TRIB1: variants seen among roughly 807,000 people sequenced by gnomAD.
TRIB1 encodes the protein tribbles pseudokinase 1.
A neutral mutation model predicts 27.8 loss-of-function variants in TRIB1; 12 were observed. The observed-to-expected ratio is 0.43, with a 90% CI of 0.28 to 0.70. TRIB1 has a LOEUF of 0.70. Ranked by LOEUF, TRIB1 falls within the 30% of genes least tolerant of loss-of-function variation. The pLI, the probability that TRIB1 is intolerant of heterozygous loss-of-function variation, is 0.18. For missense variants in TRIB1, 475 were observed against 515.8 expected, an observed-to-expected ratio of 0.92 and a Z score of 0.77; for synonymous variants, 230 against 224.9, an observed-to-expected ratio of 1.02 and a Z score of -0.20.
intron 2 of TRIB1, among the ~76,000 whole-genome samples, chr8:125,435,216 C>G (rs1256199320): frequency 6.6e-6 from 1 of 152,054 alleles, no homozygotes; most frequent in Admixed American, 6.6e-5. Flanking sequence ...GAGACCCCCC[C>G]TGTAGAATAC....
In TRIB1 at chr8:125,436,599, A is replaced by G. The variant is rs901051681; in HGVS notation, c.*128A>G. ...CAGGATGAAAGCTGCTGAACTCGGC[A>G]TGGCGCCTCCTCTTCTCTGTTGGGA... is the stretch of plus-strand genomic sequence containing the variant. On this transcript the variant is annotated 3_prime_UTR_variant, in exon 3 of 3. Coordinates refer to ENST00000311922, the MANE Select transcript of TRIB1 (RefSeq NM_025195.4). 4.7e-6 allele frequency: 4 copies of G among 858,672 alleles called. No individual in the cohort carries two copies. Among genetic ancestry groups the G allele is most frequent in the South Asian group, 1.7e-5 (1 of 57,988 alleles). 53.2% of individuals were successfully genotyped at this position (858,672 alleles called of 1,614,324 possible). A position where few individuals can be genotyped will look rare whatever the true frequency, so the allele number is the denominator to read the frequency against.
rs1014314547 is a variant in TRIB1, at chr8:125,430,999, C to A, written c.97C>A (p.Arg33Ser). ...AGCCACCCGAGGCGTCCCGGCCAAA[C>A]GCCTGCTGGACGCCGACGACGCGGC... ...FPATRGVPAK[R>S]LLDADDAAAV... The change falls in exon 1 of 3, where the codon CGC becomes AGC. Residue 33 changes from arginine to serine, a missense_variant. Transcript: ENST00000311922. 4 of 1,465,784 alleles carry A rather than the reference C, an allele frequency of 2.7e-6. No individual in the cohort carries two copies. Among genetic ancestry groups the A allele is most frequent in the Admixed American group, 2.6e-5 (1 of 38,922 alleles). The allele number at this position is 1,465,784 out of a possible 1,614,324, so 90.8% of individuals were successfully genotyped here. A position where few individuals can be genotyped will look rare whatever the true frequency, so the allele number is the denominator to read the frequency against.
At position 125,437,756 on chromosome 8, in the gene TRIB1, A is replaced by G. The variant is rs1814779883; in HGVS notation, c.*1285A>G. The G allele has an allele frequency of 6.6e-6, 1 of 152,464 alleles. No homozygotes were observed. Among genetic ancestry groups the G allele is most frequent in the Non-Finnish European group, 1.5e-5 (1 of 68,038 alleles). 9.4% of individuals were successfully genotyped at this position (152,464 alleles called of 1,614,324 possible). A position where few individuals can be genotyped will look rare whatever the true frequency, so the allele number is the denominator to read the frequency against. ...TCCAGCCTCTGTTAGATATGTCCAGAGATGGAAACTCACTCCCCTACAAAA... is the reference window on the plus strand; with the variant it reads ...TCCAGCCTCTGTTAGATATGTCCAGGGATGGAAACTCACTCCCCTACAAAA... On this transcript the variant is annotated 3_prime_UTR_variant, in exon 3 of 3. Coordinates refer to ENST00000311922, the MANE Select transcript of TRIB1 (RefSeq NM_025195.4).
Position 125,436,532 on chromosome 8 carries a change from G to T in TRIB1, c.*61G>T. The T allele has an allele frequency of 6.5e-7, 1 of 1,543,416 alleles. No individual in the cohort carries two copies. The highest frequency in any genetic ancestry group is 1.2e-5 in the South Asian group (1 of 85,968). On this transcript the variant is annotated 3_prime_UTR_variant, in exon 3 of 3. Transcript: ENST00000311922. ...CCTGGCATTTCCATTTCTAAAGATG[G>T]ACAGGCCCTTTGGCGTGGTACCAAC...
chr8:125,437,615 A>G lies in TRIB1; in HGVS notation c.*1144A>G, dbSNP rs2129822441. ...ATCGGCTTCTGGAGTGAAACAGCAA[A>G]CCCCAAATCTTCAAAGTTGGAAGGA... is the stretch of plus-strand genomic sequence containing the variant. On this transcript the variant is annotated 3_prime_UTR_variant, in exon 3 of 3. Transcript: ENST00000311922. 1 of 152,342 alleles carries G rather than the reference A, an allele frequency of 6.6e-6. No homozygotes were observed. Among genetic ancestry groups the G allele is most frequent in the Non-Finnish European group, 1.5e-5 (1 of 68,026 alleles). 9.4% of individuals were successfully genotyped at this position (152,342 alleles called of 1,614,324 possible). A position where few individuals can be genotyped will look rare whatever the true frequency, so the allele number is the denominator to read the frequency against.
intron 2 of TRIB1, among the ~76,000 whole-genome samples, chr8:125,434,426 G>A (rs2129814214): frequency 6.6e-6 from 1 of 152,272 alleles, no homozygotes; most frequent in Non-Finnish European, 1.5e-5. Flanking sequence ...TAAGAAGTGG[G>A]CTTATCTCAC....
In TRIB1 at chr8:125,433,600, C is replaced by T. The variant is rs34349706; in HGVS notation, c.644C>T (p.Thr215Met). 49 of 1,606,824 alleles carry T rather than the reference C, an allele frequency of 3.0e-5. No individual in the cohort carries two copies. Among genetic ancestry groups the T allele is most frequent in the East Asian group, 2.5e-4 (11 of 44,712 alleles). ...DLKLRKFVFS[T>M]EERTQLRLES... ...AAGCTTAGGAAGTTCGTCTTCTCCACGGAGGAGAGGTGAGCGGCCGCCACA... is the reference window on the plus strand; with the variant it reads ...AAGCTTAGGAAGTTCGTCTTCTCCATGGAGGAGAGGTGAGCGGCCGCCACA... Residue 215 changes from threonine to methionine, a missense_variant, in exon 2 of 3, where the codon ACG (threonine) becomes ATG (methionine). Coordinates refer to ENST00000311922, the MANE Select transcript of TRIB1 (RefSeq NM_025195.4). This position sits in a 1 kb window ranked among gnomAD's most constrained non-coding sequence, Gnocchi z 4.4.
At position 125,436,150 on chromosome 8, in the gene TRIB1, C is replaced by T. The variant is rs752173835; in HGVS notation, c.798C>T (p.Asp266=). 8 of 1,613,906 alleles carry T rather than the reference C, an allele frequency of 5.0e-6. No homozygotes were observed. The highest frequency in any genetic ancestry group is 4.5e-5 in the East Asian group (2 of 44,882). Residue 266 remains aspartate (D), a synonymous_variant, in exon 3 of 3, where the codon GAC becomes GAT. Coordinates refer to ENST00000311922, the MANE Select transcript of TRIB1 (RefSeq NM_025195.4). ...TTGTYSGKAA[D]VWSLGVMLYT... ...GGACCTACTCCGGAAAGGCTGCGGA[C>T]GTTTGGAGCCTGGGGGTGATGCTCT... is the stretch of plus-strand genomic sequence containing the variant.
chr8:125,430,902 G>T lies in TRIB1; in HGVS notation c.-1G>T. 7.0e-7 allele frequency: 1 copy of T among 1,433,840 alleles called. No individual in the cohort carries two copies. Among genetic ancestry groups the T allele is most frequent in the South Asian group, 1.4e-5 (1 of 70,570 alleles). 88.8% of individuals were successfully genotyped at this position (1,433,840 alleles called of 1,614,324 possible). A position where few individuals can be genotyped will look rare whatever the true frequency, so the allele number is the denominator to read the frequency against. Reference sequence around the variant, plus strand: ...CCGGGGCCACCCCGGCCCAGGACGGGATGCGGGTCGGTCCGGTGCGCTCTG... The same window carrying T: ...CCGGGGCCACCCCGGCCCAGGACGGTATGCGGGTCGGTCCGGTGCGCTCTG... On this transcript the variant is annotated 5_prime_UTR_variant, in exon 1 of 3. Transcript: ENST00000311922.
chr8:125,436,500 C>G lies in TRIB1; in HGVS notation c.*29C>G. On this transcript the variant is annotated 3_prime_UTR_variant, in exon 3 of 3. Coordinates refer to ENST00000311922, the MANE Select transcript of TRIB1 (RefSeq NM_025195.4). Reference sequence around the variant, plus strand: ...CCAAAACCTCAGAAACCTCATAATTCTTAACACCTGGCATTTCCATTTCTA... The same window carrying G: ...CCAAAACCTCAGAAACCTCATAATTGTTAACACCTGGCATTTCCATTTCTA... 1.3e-6 allele frequency: 2 copies of G among 1,599,222 alleles called. No homozygotes were observed. Among genetic ancestry groups the G allele is most frequent in the Non-Finnish European group, 1.7e-6 (2 of 1,168,572 alleles).
In TRIB1 at chr8:125,436,627, A is replaced by G. The variant is rs1814756616; in HGVS notation, c.*156A>G. On this transcript the variant is annotated 3_prime_UTR_variant, in exon 3 of 3. Coordinates refer to ENST00000311922, the MANE Select transcript of TRIB1 (RefSeq NM_025195.4). ...GCGCCTCCTCTTCTCTGTTGGGATG[A>G]GTGACTTTATTGATTTGAGCAGCAT... The G allele has an allele frequency of 1.4e-6, 1 of 712,990 alleles. No homozygotes were observed. The highest frequency in any genetic ancestry group is 2.7e-5 in the East Asian group (1 of 37,138). 44.2% of individuals were successfully genotyped at this position (712,990 alleles called of 1,614,324 possible). A position where few individuals can be genotyped will look rare whatever the true frequency, so the allele number is the denominator to read the frequency against.
At position 125,436,224 on chromosome 8, in the gene TRIB1, C is replaced by T. The variant is rs1216140089; in HGVS notation, c.872C>T (p.Ala291Val). The T allele has an allele frequency of 6.2e-7, 1 of 1,614,100 alleles. No homozygotes were observed. Among genetic ancestry groups the T allele is most frequent in the Admixed American group, 1.7e-5 (1 of 60,016 alleles). Residue 291 changes from alanine (A) to valine (V), a missense_variant, in exon 3 of 3, where the codon GCC (alanine) becomes GTC (valine). Ala to Val is a moderately conservative substitution (Grantham distance 64). Transcript: ENST00000311922. The stretch of plus-strand genomic sequence containing the variant: ...CCCTTCCATGACTCAGACCCCAGTG[C>T]CCTTTTCTCCAAAATTCGGCGTGGA... Reference protein sequence around the residue: ...RYPFHDSDPSALFSKIRRGQF... With the variant: ...RYPFHDSDPSVLFSKIRRGQF...
chr8:125,430,716 C>A lies in TRIB1; in HGVS notation c.-187C>A. ...CTCCCGGACGCACAGCCAGCGTGGT[C>A]CCCGCGTGCAACGCGAGCGCCGGGG... On this transcript the variant is annotated 5_prime_UTR_variant, in exon 1 of 3. Transcript: ENST00000311922. 1.4e-6 allele frequency: 1 copy of A among 734,294 alleles called. No homozygotes were observed. The highest frequency in any genetic ancestry group is 1.9e-6 in the Non-Finnish European group (1 of 521,216). The allele number at this position is 734,294 out of a possible 1,614,324, so 45.5% of individuals were successfully genotyped here.
chr8:125,434,712 G>C (rs566938653), intron 2 of TRIB1, among the ~76,000 whole-genome samples: 23 of 152,304 alleles, frequency 1.5e-4, no homozygotes, highest in African/African-American at 4.8e-4. Context: ...TTGGCAACCC[G>C]GGGGTTAAGC....
rs557045904 is a variant in TRIB1, at chr8:125,430,992, G to T, written c.90G>T (p.Pro30=). The change falls in exon 1 of 3, where the codon CCG becomes CCT. Residue 30 remains proline (P), a synonymous_variant. Transcript: ENST00000311922. ...TCTTCCCAGCCACCCGAGGCGTCCC[G>T]GCCAAACGCCTGCTGGACGCCGACG... The part of the protein sequence containing the change: ...ALLFPATRGV[P]AKRLLDADDA... The T allele has an allele frequency of 1.2e-5, 18 of 1,466,486 alleles. No individual in the cohort carries two copies. The highest frequency in any genetic ancestry group is 1.3e-5 in the Non-Finnish European group (15 of 1,117,972). The allele number at this position is 1,466,486 out of a possible 1,614,324, so 90.8% of individuals were successfully genotyped here.
In TRIB1 at chr8:125,433,213, A is replaced by T. The variant is rs190796292; in HGVS notation, c.361-104A>T. 43 of 1,259,756 alleles carry T rather than the reference A, an allele frequency of 3.4e-5. 1 individual carries two copies. The East Asian group carries it at 7.1e-4, about 21-fold the overall frequency. The allele number at this position is 1,259,756 out of a possible 1,614,324, so 78.0% of individuals were successfully genotyped here. On this transcript the variant is annotated intron_variant, in intron 1 of 2. Coordinates refer to ENST00000311922, the MANE Select transcript of TRIB1 (RefSeq NM_025195.4). This position sits in a 1 kb window ranked among gnomAD's most constrained non-coding sequence, Gnocchi z 4.4. ...GAGTAGGTGAATGGAACTTACTCACATCCTAAGCCCACAGGTTGAGAACTT... is the reference window on the plus strand; with the variant it reads ...GAGTAGGTGAATGGAACTTACTCACTTCCTAAGCCCACAGGTTGAGAACTT...
In TRIB1 at chr8:125,433,218, A is replaced by G. The variant is rs1814690098; in HGVS notation, c.361-99A>G. 9.3e-6 allele frequency: 12 copies of G among 1,297,200 alleles called. No homozygotes were observed. Among genetic ancestry groups the G allele is most frequent in the Non-Finnish European group, 1.1e-5 (10 of 934,160 alleles). 80.4% of individuals were successfully genotyped at this position (1,297,200 alleles called of 1,614,324 possible). A position where few individuals can be genotyped will look rare whatever the true frequency, so the allele number is the denominator to read the frequency against. On this transcript the variant is annotated intron_variant, in intron 1 of 2. Coordinates refer to ENST00000311922, the MANE Select transcript of TRIB1 (RefSeq NM_025195.4). This position sits in a 1 kb window ranked among gnomAD's most constrained non-coding sequence, Gnocchi z 4.4. ...GGTGAATGGAACTTACTCACATCCT[A>G]AGCCCACAGGTTGAGAACTTCTGTT...
Position 125,432,294 on chromosome 8 carries a change from C to T in TRIB1, c.361-1023C>T, listed in dbSNP as rs933326601. 6.2e-6 allele frequency: 6 copies of T among 971,820 alleles called. No individual in the cohort carries two copies. The East Asian group carries it at 3.9e-4, about 63-fold the overall frequency. 60.2% of individuals were successfully genotyped at this position (971,820 alleles called of 1,614,324 possible). ...AAAAAAAACCTTTTCTTCTCCATGA[C>T]TGGGGCTAAGAGCTGTTCTGGGACA... On this transcript the variant is annotated intron_variant, in intron 1 of 2. Transcript: ENST00000311922.
chr8:125,434,278 T>C (rs1814710987), intron 2 of TRIB1, among the ~76,000 whole-genome samples: 1 of 152,220 alleles, frequency 6.6e-6, no homozygotes, highest in Admixed American at 6.5e-5. Context: ...GATTCAAAGC[T>C]GAGGTTTCAG....
Sources: allele counts gnomAD v4.1 joint callset (sites outside exome capture counted in the v4.1 genomes callset), GRCh38; gene constraint gnomAD v4.1.1; non-coding constraint Gnocchi (gnomAD v3.1); transcripts MANE v1.5; gene names NCBI Gene and HGNC (gene_info 2026-07-23, HGNC 2026-07-21).